Variants in PEX7 observed in about 807,000 individuals in gnomAD.
PEX7 encodes the protein PTS2 receptor.
Under a neutral mutation model 47.5 loss-of-function variants are expected in PEX7, and 34 were observed. The ratio of observed to expected loss-of-function variants is 0.72; its 90% CI spans 0.54 to 0.95. The LOEUF (loss-of-function observed/expected upper bound fraction) is 0.95. PEX7 is among the 40% of genes least tolerant of loss of function. PEX7 has a pLI of 0.00. For missense variants in PEX7, 394 were observed against 400.3 expected, an observed-to-expected ratio of 0.98 and a Z score of 0.13; for synonymous variants, 141 against 148.8, an observed-to-expected ratio of 0.95 and a Z score of 0.38.
chr6:136,848,549 T>C (rs533231976), intron 5 of PEX7, among the ~76,000 whole-genome samples: 2 of 152,254 alleles, frequency 1.3e-5, no homozygotes, highest in East Asian at 3.9e-4. Flanking sequence ...ATTGAGAGTT[T>C]TTAGCACGAA....
At chr6:136,845,965 T>G in intron 4 of PEX7, 108 bp from the exon 5 acceptor site, 1 of 736,562 alleles carries the variant, frequency 1.4e-6, no homozygotes, top group Non-Finnish European at 2.4e-6. Flanking sequence ...TGTATATATA[T>G]TGTATGCATA....
chr6:136,904,822 A>G (rs891735352), intron 9 of PEX7, among the ~76,000 whole-genome samples: 12 of 152,058 alleles, frequency 7.9e-5, no homozygotes, highest in African/African-American at 2.7e-4. Flanking sequence ...CCTTGCAATT[A>G]TGGCATCCCT....
chr6:136,822,784 A>ACGGCATCGCGGGTGAGG lies in PEX7; in HGVS notation c.124_130+10dup. The ACGGCATCGCGGGTGAGG allele has an allele frequency of 7.4e-7, 1 of 1,353,930 alleles. No homozygotes were observed. The highest frequency in any genetic ancestry group is 9.5e-7 in the Non-Finnish European group (1 of 1,057,772). 83.9% of individuals were successfully genotyped at this position (1,353,930 alleles called of 1,614,324 possible). ...CTGGCCTGCGCCACCGCGCAGCACT[A>ACGGCATCGCGGGTGAGG]CGGCATCGCGGGTGAGGCGGCGCCG... On this transcript the variant is annotated frameshift_variant, in exon 1 of 10. Coordinates refer to ENST00000318471, the MANE Select transcript of PEX7 (RefSeq NM_000288.4). LOFTEE classifies it high-confidence loss of function.
intron 5 of PEX7, among the ~76,000 whole-genome samples, chr6:136,850,232 T>C (rs1020531134): frequency 1.3e-5 from 2 of 152,198 alleles, no homozygotes; most frequent in African/African-American, 4.8e-5. Context: ...TTCATCCCTT[T>C]ATTTTGAGCC....
chr6:136,878,143 C>T (rs1349524272), intron 8 of PEX7, among the ~76,000 whole-genome samples: 2 of 152,086 alleles, frequency 1.3e-5, no homozygotes, highest in Non-Finnish European at 2.9e-5. Flanking sequence ...GTGATTTTTG[C>T]ACATTGATTT....
intron 7 of PEX7, among the ~76,000 whole-genome samples, chr6:136,870,494 G>C (rs1457903246): frequency 6.6e-6 from 1 of 152,036 alleles, no homozygotes; most frequent in African/African-American, 2.4e-5. Context: ...TTTTAATGAT[G>C]GTCTCAGTAA....
chr6:136,855,672 C>T, intron 5 of PEX7: 2 of 310,810 alleles, frequency 6.4e-6, no homozygotes, highest in Non-Finnish European at 6.2e-6. Context: ...TTGATTTGGG[C>T]ATTTTTGTTT....
chr6:136,902,998 C>A (rs1304319525), intron 9 of PEX7, among the ~76,000 whole-genome samples: 1 of 152,132 alleles, frequency 6.6e-6, no homozygotes, highest in Non-Finnish European at 1.5e-5. Context: ...AAAAAGATTA[C>A]CTCTAGTTTC....
intron 5 of PEX7, among the ~76,000 whole-genome samples, chr6:136,852,274 G>A (rs555597524): frequency 1.6e-4 from 24 of 150,792 alleles, no homozygotes; most frequent in East Asian, 3.9e-4. Context: ...CTCTCTCACC[G>A]CTCCTATTCA....
At chr6:136,846,548 G>C (rs1205450942) in intron 5 of PEX7, among the ~76,000 whole-genome samples, 1 of 151,708 alleles carries the variant, frequency 6.6e-6, no homozygotes, top group African/African-American at 2.4e-5. Flanking sequence ...CTGTGTCCAA[G>C]TGTTCTCATT....
rs564093141 is a variant in PEX7 at position 136,894,363 on chromosome 6, G to A, written c.804-3779G>A. Among the ~76,000 whole-genome samples the A allele has an allele frequency of 9.9e-5, 15 of 152,122 alleles. No homozygotes were observed. The South Asian group carries it at 2.9e-3, about 29-fold the overall frequency. ...TCCCAGCACTTTGGGAGGCCGAGGCGGGCAGATCACGAGGTCAGGAGTTCA... is the reference window on the plus strand; with the variant it reads ...TCCCAGCACTTTGGGAGGCCGAGGCAGGCAGATCACGAGGTCAGGAGTTCA... On this transcript the variant is annotated intron_variant, in intron 8 of 9. Transcript: ENST00000318471.
intron 3 of PEX7, among the ~76,000 whole-genome samples, chr6:136,830,770 A>C (rs998253449): frequency 6.6e-6 from 1 of 152,208 alleles, no homozygotes; most frequent in Admixed American, 6.5e-5. Flanking sequence ...TAATATATTA[A>C]TTTCTAATTT....
chr6:136,836,997 C>T (rs1483201657), intron 3 of PEX7, among the ~76,000 whole-genome samples: 1 of 151,186 alleles, frequency 6.6e-6, no homozygotes, highest in Non-Finnish European at 1.5e-5. Context: ...AAACTGCATT[C>T]AAAAAAATTA....
chr6:136,870,521 A>G (rs1775157544), intron 7 of PEX7, among the ~76,000 whole-genome samples: 1 of 152,192 alleles, frequency 6.6e-6, no homozygotes, highest in Non-Finnish European at 1.5e-5. Context: ...CTGGGTTATA[A>G]GATGACTTAG....
At chr6:136,843,068 A>G (rs1774531408) in intron 3 of PEX7, among the ~76,000 whole-genome samples, 1 of 152,190 alleles carries the variant, frequency 6.6e-6, no homozygotes, top group Admixed American at 6.5e-5. Flanking sequence ...AAGGTAGCCA[A>G]GAAGTTCTGA....
In PEX7 at chr6:136,826,294, TG is replaced by T. The variant is rs773480120; in HGVS notation, c.189-24del. On this transcript the variant is annotated intron_variant, in intron 2 of 9. Coordinates refer to ENST00000318471, the MANE Select transcript of PEX7 (RefSeq NM_000288.4). The stretch of plus-strand genomic sequence containing the variant: ...TGCCTATGTAAGTGTTGTATTTTTT[TG>T]TTGTTTGTTTTTTCCTAGTGTAGCT... 392 of 1,613,348 alleles carry T rather than the reference TG, an allele frequency of 2.4e-4. 1 individual carries two copies. In the African/African-American group the frequency reaches 4.9e-3, roughly 20 times the overall value.
At chr6:136,834,087 A>G (rs1365578559) in intron 3 of PEX7, among the ~76,000 whole-genome samples, 1 of 152,256 alleles carries the variant, frequency 6.6e-6, no homozygotes, top group Non-Finnish European at 1.5e-5. Context: ...GTACACAGAG[A>G]GGAGAACCAG....
chr6:136,827,105 A>G (rs530127714), intron 3 of PEX7, among the ~76,000 whole-genome samples: 23 of 152,364 alleles, frequency 1.5e-4, no homozygotes, highest in African/African-American at 5.3e-4. Context: ...AGGGAGCAGT[A>G]CATCCTTCAG....
At chr6:136,907,851 A>G (rs983151295) in intron 9 of PEX7, among the ~76,000 whole-genome samples, 1 of 152,126 alleles carries the variant, frequency 6.6e-6, no homozygotes, top group Non-Finnish European at 1.5e-5. Flanking sequence ...AAAGTGTTGT[A>G]TTTCCATTTT....
Sources: gnomAD v4.1 joint callset for allele counts (sites outside exome capture counted in the v4.1 genomes callset) on GRCh38, gnomAD v4.1.1 for gene constraint, MANE v1.5 for transcripts, NCBI Gene and HGNC (gene_info 2026-07-23, HGNC 2026-07-21) for gene names.